The following DISP3 variants were observed in gnomAD, a reference collection of about 807,000 sequenced individuals.
DISP3 encodes dispatched RND transporter family member 3, also known as protein dispatched homolog 3.
In DISP3, 101 loss-of-function variants were observed where a neutral mutation model predicts 135.3. The ratio of observed to expected loss-of-function variants is 0.75; its 90% CI spans 0.64 to 0.88. The LOEUF (loss-of-function observed/expected upper bound fraction) is 0.88, where lower values mean the gene tolerates loss of function less well. Ranked by LOEUF, DISP3 falls within the 40% of genes least tolerant of loss-of-function variation. DISP3 has a pLI of 0.00. For missense variants in DISP3, 1,713 were observed against 1,878.6 expected (o/e 0.91, Z 1.63); for synonymous variants, 856 against 817.0 (o/e 1.05, Z -0.81).
chr1:11,531,755 CG>C lies in DISP3; in HGVS notation c.3375+49del, dbSNP rs1642582379. 1 of 1,549,032 alleles carries C rather than the reference CG, an allele frequency of 6.5e-7. No homozygotes were observed. The highest frequency in any genetic ancestry group is 8.7e-7 in the Non-Finnish European group (1 of 1,147,240). On this transcript the variant is annotated intron_variant, in intron 17 of 20. Coordinates refer to ENST00000294484, the MANE Select transcript of DISP3 (RefSeq NM_020780.2). This position sits in a 1 kb window ranked among gnomAD's most constrained non-coding sequence, Gnocchi z 5.2. ...CTGGGTGCCATGCTGCGTACTTGCC[CG>C]GGGTGTGCCACCTCTGATCCCAGCC...
At chr1:11,506,214 C>G (rs1420973613) in intron 3 of DISP3, among the ~76,000 whole-genome samples, 1 of 152,100 alleles carries the variant, frequency 6.6e-6, no homozygotes, top group Non-Finnish European at 1.5e-5. Flanking sequence ...TGTGACGTAT[C>G]TTAGTGTGTT....
intron 1 of DISP3, among the ~76,000 whole-genome samples, chr1:11,490,130 T>TG (rs1024402183): frequency 1.4e-4 from 21 of 148,440 alleles, no homozygotes; most frequent in Middle Eastern, 3.4e-3. Context: ...ATGTCGGGGG[T>TG]GGGGGTGGTC....
rs1331182600 is a variant in DISP3, at chr1:11,483,702, C to T, written c.-4+4330C>T. ...GAAGGGCGGTACCCTCACCTGCGTTCATCAGTCAGTGGCCTGGGCTGGGTA... is the reference window on the plus strand; with the variant it reads ...GAAGGGCGGTACCCTCACCTGCGTTTATCAGTCAGTGGCCTGGGCTGGGTA... On this transcript the variant is annotated intron_variant, in intron 1 of 20. Transcript: ENST00000294484. This position sits in a 1 kb window ranked among gnomAD's most constrained non-coding sequence, Gnocchi z 5.4. Among the ~76,000 whole-genome samples the T allele has an allele frequency of 1.3e-5, 2 of 152,218 alleles. No individual in the cohort carries two copies. Among genetic ancestry groups the T allele is most frequent in the African/African-American group, 4.8e-5 (2 of 41,458 alleles).
rs562997675 is a variant in DISP3, at chr1:11,499,949, A to G, written c.-3-1041A>G. ...CCGCCTAGCATCTAACTGGATAATG[A>G]GTCTCTCTCTGTCCAGAGGGCAGGC... On this transcript the variant is annotated intron_variant, in intron 1 of 20. Coordinates refer to ENST00000294484, the MANE Select transcript of DISP3 (RefSeq NM_020780.2). The surrounding 1 kb of genome is among the most constrained non-coding windows in gnomAD (Gnocchi z 5.2). Among the ~76,000 whole-genome samples, 2 of 152,380 alleles carry G rather than the reference A, an allele frequency of 1.3e-5. No individual in the cohort carries two copies. Among genetic ancestry groups the G allele is most frequent in the South Asian group, 4.1e-4 (2 of 4,826 alleles).
chr1:11,531,986 C>T lies in DISP3; in HGVS notation c.3375+276C>T, dbSNP rs549773201. On this transcript the variant is annotated intron_variant, in intron 17 of 20. Transcript: ENST00000294484. The surrounding 1 kb of genome is among the most constrained non-coding windows in gnomAD (Gnocchi z 5.2). ...TCCCTCTCCACCAACTGGGGGTCCA[C>T]GGTATTTTTTAGTCTCTGGTCTGTA... Among the ~76,000 whole-genome samples, 3 of 152,272 alleles carry T rather than the reference C, an allele frequency of 2.0e-5. No homozygotes were observed. Among genetic ancestry groups the T allele is most frequent in the South Asian group, 2.1e-4 (1 of 4,814 alleles).
In DISP3 at chr1:11,501,359, A is replaced by T. The variant is rs756360203; in HGVS notation, c.367A>T (p.Thr123Ser). The change falls in exon 2 of 21, where the codon ACT becomes TCT. Residue 123 changes from threonine to serine, a missense_variant. Coordinates refer to ENST00000294484, the MANE Select transcript of DISP3 (RefSeq NM_020780.2). The surrounding 1 kb of genome is among the most constrained non-coding windows in gnomAD (Gnocchi z 4.9). ...HEASQRFDAL[T>S]LALKSQFGSW... ...GGCCTCACAGCGTTTCGACGCTCTC[A>T]CTCTGGCGCTTAAGTCCCAGTTTGG... 1 of 1,611,956 alleles carries T rather than the reference A, an allele frequency of 6.2e-7. No individual in the cohort carries two copies. The highest frequency in any genetic ancestry group is 8.5e-7 in the Non-Finnish European group (1 of 1,179,172).
chr1:11,529,580 C>A lies in DISP3; in HGVS notation c.2823C>A (p.His941Gln). 1 of 1,588,220 alleles carries A rather than the reference C, an allele frequency of 6.3e-7. No individual in the cohort carries two copies. Among genetic ancestry groups the A allele is most frequent in the Non-Finnish European group, 8.6e-7 (1 of 1,163,826 alleles). ...HTRKLYFAQS[H>Q]KPPFHGRVCM... Reference sequence around the variant, plus strand: ...GGAAGCTGTACTTCGCCCAGTCCCACAAGCCCCCCTTCCACGGGCGCGTAT... The same window carrying A: ...GGAAGCTGTACTTCGCCCAGTCCCAAAAGCCCCCCTTCCACGGGCGCGTAT... Residue 941 changes from histidine (H) to glutamine (Q), a missense_variant, in exon 14 of 21, where the codon CAC (histidine) becomes CAA (glutamine). Around this residue, in one of 2 missense-constraint regions of DISP3, gnomAD observed 1,142 missense variants for 1,384.6 expected, o/e 0.82. Transcript: ENST00000294484. This position sits in a 1 kb window ranked among gnomAD's most constrained non-coding sequence, Gnocchi z 4.7.
At chr1:11,514,598 C>T in intron 4 of DISP3, 72 bp downstream of exon 4, 1 of 1,525,818 alleles carries the variant, frequency 6.6e-7, no homozygotes, top group Non-Finnish European at 9.0e-7. Context: ...CCTGCCTTCT[C>T]AAGAATGCTG....
chr1:11,531,637 C>G lies in DISP3; in HGVS notation c.3302C>G (p.Pro1101Arg). Reference protein sequence around the residue: ...CKELPEPNLLPGQLSHGAVGV... With the variant: ...CKELPEPNLLRGQLSHGAVGV... Reference sequence around the variant, plus strand: ...GAGCTGCCCGAGCCCAACCTGCTCCCGGGGCAGCTGTCCCACGGGGCAGTG... The same window carrying G: ...GAGCTGCCCGAGCCCAACCTGCTCCGGGGGCAGCTGTCCCACGGGGCAGTG... Residue 1101 changes from proline to arginine, a missense_variant, in exon 17 of 21, where the codon CCG becomes CGG. Pro to Arg is a moderately radical substitution (Grantham distance 103). This residue lies in a region of DISP3 where 1,142 missense variants were observed against 1,384.6 expected (regional missense o/e 0.82). Coordinates refer to ENST00000294484, the MANE Select transcript of DISP3 (RefSeq NM_020780.2). This position sits in a 1 kb window ranked among gnomAD's most constrained non-coding sequence, Gnocchi z 5.2. The G allele has an allele frequency of 6.2e-7, 1 of 1,613,352 alleles. No homozygotes were observed. Among genetic ancestry groups the G allele is most frequent in the Non-Finnish European group, 8.5e-7 (1 of 1,179,872 alleles).
rs1641445373 is a variant in DISP3, at chr1:11,499,666, CTTTT to C, written c.-3-1323_-3-1320del. Among the ~76,000 whole-genome samples, 1 of 152,122 alleles carries C rather than the reference CTTTT, an allele frequency of 6.6e-6. No individual in the cohort carries two copies. The highest frequency in any genetic ancestry group is 2.4e-5 in the African/African-American group (1 of 41,430). On this transcript the variant is annotated intron_variant, in intron 1 of 20. Coordinates refer to ENST00000294484, the MANE Select transcript of DISP3 (RefSeq NM_020780.2). This position sits in a 1 kb window ranked among gnomAD's most constrained non-coding sequence, Gnocchi z 5.2. Reference sequence around the variant, plus strand: ...CAGTCATTCTTCCTTTCTGTTTCTTCTTTTGTTTCCCTATTTGCATCTCAGTCTC... The same window carrying C: ...CAGTCATTCTTCCTTTCTGTTTCTTCGTTTCCCTATTTGCATCTCAGTCTC...
intron 3 of DISP3, among the ~76,000 whole-genome samples, chr1:11,507,196 A>T (rs562321368): frequency 1.1e-4 from 17 of 152,244 alleles, no homozygotes; most frequent in Non-Finnish European, 2.2e-4. Context: ...GTCGTGGCTG[A>T]TTACCTTAAA....
intron 3 of DISP3, among the ~76,000 whole-genome samples, chr1:11,508,676 A>G (rs1350761730): frequency 6.6e-6 from 1 of 152,024 alleles, no homozygotes; most frequent in East Asian, 1.9e-4. Context: ...GTAGGTGTAT[A>G]TATTTATGGG....
intron 1 of DISP3, among the ~76,000 whole-genome samples, chr1:11,485,733 G>A (rs994253679): frequency 1.3e-5 from 2 of 152,124 alleles, no homozygotes; most frequent in African/African-American, 4.8e-5. Context: ...CCGGGCCCTG[G>A]CTTAGAACTT....
intron 1 of DISP3, among the ~76,000 whole-genome samples, chr1:11,487,608 C>T (rs1163814798): frequency 6.6e-6 from 1 of 152,256 alleles, no homozygotes; most frequent in East Asian, 1.9e-4. Context: ...TGCAGACCTA[C>T]TCTCAGAGCA....
At chr1:11,484,118 C>T (rs1557588968) in intron 1 of DISP3, among the ~76,000 whole-genome samples, 1 of 152,238 alleles carries the variant, frequency 6.6e-6, no homozygotes. Context: ...CTCTCCGCTG[C>T]ACCCCCTCTG....
intron 3 of DISP3, among the ~76,000 whole-genome samples, chr1:11,506,639 T>C (rs936969529): frequency 6.6e-6 from 1 of 152,188 alleles, no homozygotes; most frequent in African/African-American, 2.4e-5. Flanking sequence ...GTTAATTTTG[T>C]CCACATTTTC....
intron 3 of DISP3, 71 bp downstream of exon 3, chr1:11,502,968 C>T (rs1641594380): frequency 7.7e-7 from 1 of 1,291,466 alleles, no homozygotes; most frequent in Non-Finnish European, 1.1e-6. Flanking sequence ...ACTCTTAAAC[C>T]CCATATCCCT....
At position 11,483,028 on chromosome 1, in the gene DISP3, G is replaced by A. The variant is rs920582275; in HGVS notation, c.-4+3656G>A. Among the ~76,000 whole-genome samples, 7 of 152,212 alleles carry A rather than the reference G, an allele frequency of 4.6e-5. No homozygotes were observed. The highest frequency in any genetic ancestry group is 1.3e-4 in the Admixed American group (2 of 15,274). ...ATGTTTTCCAAAAGTCGCATTTCACGGGCAGACAGTGCGGCTCACGCTGCA... is the reference window on the plus strand; with the variant it reads ...ATGTTTTCCAAAAGTCGCATTTCACAGGCAGACAGTGCGGCTCACGCTGCA... On this transcript the variant is annotated intron_variant, in intron 1 of 20. Coordinates refer to ENST00000294484, the MANE Select transcript of DISP3 (RefSeq NM_020780.2). The surrounding 1 kb of genome is among the most constrained non-coding windows in gnomAD (Gnocchi z 5.4).
At chr1:11,496,988 C>T (rs1641353461) in intron 1 of DISP3, among the ~76,000 whole-genome samples, 1 of 152,166 alleles carries the variant, frequency 6.6e-6, no homozygotes, top group Non-Finnish European at 1.5e-5. Flanking sequence ...CCTTGTGGCA[C>T]TTTTCATGTT....
Sources: gnomAD v4.1 joint callset for allele counts (sites outside exome capture counted in the v4.1 genomes callset) on GRCh38, gnomAD v4.1.1 for gene constraint, gnomAD v4.1.1 regional missense constraint, Gnocchi (gnomAD v3.1) non-coding constraint, MANE v1.5 for transcripts, NCBI Gene and HGNC (gene_info 2026-07-23, HGNC 2026-07-21) for gene names.